The following NCAM1 variants were observed in gnomAD, a reference collection of about 807,000 sequenced individuals.
The protein encoded by NCAM1 is neural cell adhesion molecule 1.
In NCAM1, 14 loss-of-function variants were observed where a neutral mutation model predicts 109.8. The ratio of observed to expected loss-of-function variants is 0.13; its 90% CI spans 0.08 to 0.20. The LOEUF (loss-of-function observed/expected upper bound fraction) is 0.20. Ranked by LOEUF, NCAM1 falls within the 10% of genes least tolerant of loss-of-function variation. The pLI, the probability that NCAM1 is intolerant of heterozygous loss-of-function variation, is 1.00. For synonymous variants in NCAM1, 418 were observed against 442.9 expected (o/e 0.94, Z 0.70); for missense variants, 774 against 1,109.9 (o/e 0.70, Z 4.30).
chr11:113,104,237 G>A (rs962155303), intron 1 of NCAM1, among the ~76,000 whole-genome samples: 1 of 149,976 alleles, frequency 6.7e-6, no homozygotes, highest in East Asian at 2.0e-4. Context: ...TGGTGGCGGT[G>A]CAGGGGAAGG....
At position 113,271,910 on chromosome 11, in the gene NCAM1, G is replaced by A. The variant is rs371654238; in HGVS notation, c.2456+34G>A. Reference sequence around the variant, plus strand: ...GCTGGGAGGGGCTGGCACCTGCTCCGTAGAGACCCCCACACCCACCTCCCC... The same window carrying A: ...GCTGGGAGGGGCTGGCACCTGCTCCATAGAGACCCCCACACCCACCTCCCC... On this transcript the variant is annotated intron_variant, in intron 19 of 19. Coordinates refer to ENST00000316851, the MANE Select transcript of NCAM1 (RefSeq NM_181351.5). 561 of 1,503,466 alleles carry A rather than the reference G, an allele frequency of 3.7e-4. 3 individuals carry two copies. The African/African-American group carries it at 6.4e-3, about 17-fold the overall frequency. The allele number at this position is 1,503,466 out of a possible 1,614,324, so 93.1% of individuals were successfully genotyped here.
chr11:113,047,896 A>T (rs1370204544), intron 1 of NCAM1, among the ~76,000 whole-genome samples: 1 of 152,144 alleles, frequency 6.6e-6, no homozygotes, highest in Non-Finnish European at 1.5e-5. Flanking sequence ...AGTCCCTCCC[A>T]CAACACTTGG....
intron 14 of NCAM1, among the ~76,000 whole-genome samples, chr11:113,241,132 G>A (rs1332274065): frequency 6.6e-6 from 1 of 152,184 alleles, no homozygotes; most frequent in Non-Finnish European, 1.5e-5. Flanking sequence ...ATTCTGAGTG[G>A]GCTGGATCAA....
At position 113,102,220 on chromosome 11, in the gene NCAM1, A is replaced by G. The variant is rs531981182; in HGVS notation, c.53-100159A>G. On this transcript the variant is annotated intron_variant, in intron 1 of 19. Transcript: ENST00000316851. ...ATTTAAGTTTTCAGGAGGATTTTTT[A>G]ATGAAATATAAGTTGTAAATGTGTT... 1.1e-3 allele frequency among the ~76,000 whole-genome samples: 167 copies of G among 152,306 alleles called. 1 individual carries two copies. The highest frequency in any genetic ancestry group is 8.9e-3 in the South Asian group (43 of 4,824).
chr11:113,178,842 G>A (rs935259648), intron 1 of NCAM1, among the ~76,000 whole-genome samples: 9 of 152,134 alleles, frequency 5.9e-5, no homozygotes, highest in Admixed American at 3.9e-4. Context: ...GCCAACATTC[G>A]AAGAGTCCGG....
At chr11:113,135,731 A>C in intron 1 of NCAM1, among the ~76,000 whole-genome samples, 1 of 152,238 alleles carries the variant, frequency 6.6e-6, no homozygotes, top group South Asian at 2.1e-4. Context: ...CCATGGAGGC[A>C]AGGTGATTTA....
chr11:113,150,577 A>T (rs906203572), intron 1 of NCAM1, among the ~76,000 whole-genome samples: 14 of 152,118 alleles, frequency 9.2e-5, no homozygotes, highest in Admixed American at 2.0e-4. Flanking sequence ...ACAGCATAGG[A>T]CCCTTTCCCT....
intron 1 of NCAM1, among the ~76,000 whole-genome samples, chr11:113,052,495 C>T (rs149148644): frequency 6.6e-6 from 1 of 152,036 alleles, no homozygotes; most frequent in East Asian, 1.9e-4. Flanking sequence ...ACATGGGACT[C>T]AAGGTAAATG....
chr11:113,201,545 T>C lies in NCAM1; in HGVS notation c.53-834T>C, dbSNP rs191009653. ...CTCGAAACTCTATTTTCATGAGGAA[T>C]GGTTGTCTGCTCCCAGCAGATAAAC... On this transcript the variant is annotated intron_variant, in intron 1 of 19. Coordinates refer to ENST00000316851, the MANE Select transcript of NCAM1 (RefSeq NM_181351.5). Among the ~76,000 whole-genome samples the C allele has an allele frequency of 2.2e-3, 341 of 152,368 alleles. 1 individual carries two copies. The highest frequency in any genetic ancestry group is 7.7e-3 in the African/African-American group (320 of 41,592).
intron 1 of NCAM1, among the ~76,000 whole-genome samples, chr11:113,155,453 G>A (rs1942374083): frequency 6.6e-6 from 1 of 151,760 alleles, no homozygotes; most frequent in Non-Finnish European, 1.5e-5. Context: ...AGGTTGCAGT[G>A]AGCCAAGATC....
chr11:113,166,795 T>C (rs970890993), intron 1 of NCAM1, among the ~76,000 whole-genome samples: 11 of 152,318 alleles, frequency 7.2e-5, no homozygotes, highest in African/African-American at 2.6e-4. Context: ...GGCTCTATTC[T>C]ACCTACTGTA....
chr11:113,253,233 G>A (rs1405616381), intron 15 of NCAM1, among the ~76,000 whole-genome samples: 3 of 152,166 alleles, frequency 2.0e-5, no homozygotes, highest in South Asian at 4.2e-4. Context: ...AGACTTGGGG[G>A]TCTCTTTTCA....
chr11:113,026,773 C>A (rs1555077404), intron 1 of NCAM1, among the ~76,000 whole-genome samples: 1 of 152,144 alleles, frequency 6.6e-6, no homozygotes, highest in Non-Finnish European at 1.5e-5. Flanking sequence ...TTATTAAGCA[C>A]CTGCTAGGCA....
intron 1 of NCAM1, among the ~76,000 whole-genome samples, chr11:112,978,375 A>T (rs1338527489): frequency 6.6e-6 from 1 of 151,842 alleles, no homozygotes; most frequent in East Asian, 1.9e-4. Flanking sequence ...TTGTCCACCA[A>T]ATTGATTTTA....
rs542914748 is a variant in NCAM1 at position 113,263,613 on chromosome 11, C to G, written c.2131+3290C>G. Reference sequence around the variant, plus strand: ...CAGCACCTTACACTGTCTCTGTGAACGGGGCCAAGCCATGATGTGCCAACA... The same window carrying G: ...CAGCACCTTACACTGTCTCTGTGAAGGGGGCCAAGCCATGATGTGCCAACA... On this transcript the variant is annotated intron_variant, in intron 17 of 19. Transcript: ENST00000316851. 7.1e-6 allele frequency: 7 copies of G among 985,350 alleles called. No individual in the cohort carries two copies. The South Asian group carries it at 3.3e-4, about 46-fold the overall frequency. 61.0% of individuals were successfully genotyped at this position (985,350 alleles called of 1,614,324 possible).
At chr11:113,095,652 G>A (rs58786875) in intron 1 of NCAM1, among the ~76,000 whole-genome samples, 17,543 of 152,174 alleles carry the variant, frequency 0.12, 1,241 homozygotes, top group East Asian at 0.36. Context: ...CGTTTTCTGA[G>A]TTCTCATTTC....
chr11:113,027,924 T>C (rs1224047362), intron 1 of NCAM1, among the ~76,000 whole-genome samples: 1 of 152,184 alleles, frequency 6.6e-6, no homozygotes, highest in Admixed American at 6.5e-5. Flanking sequence ...GACATAATGT[T>C]ATATGAAACC....
intron 1 of NCAM1, among the ~76,000 whole-genome samples, chr11:113,016,293 A>T (rs1952203230): frequency 6.6e-6 from 1 of 152,150 alleles, no homozygotes; most frequent in Non-Finnish European, 1.5e-5. Flanking sequence ...CAACTGCAGA[A>T]ATTAAGTTTT....
intron 1 of NCAM1, among the ~76,000 whole-genome samples, chr11:112,977,013 G>A (rs1951026322): frequency 6.6e-6 from 1 of 151,612 alleles, no homozygotes; most frequent in Admixed American, 6.6e-5. Flanking sequence ...GATACTTTGT[G>A]GGTGAAGACA....
Sources: gnomAD v4.1 joint callset for allele counts (sites outside exome capture counted in the v4.1 genomes callset) on GRCh38, gnomAD v4.1.1 for gene constraint, MANE v1.5 for transcripts, NCBI Gene and HGNC (gene_info 2026-07-23, HGNC 2026-07-21) for gene names.